ADAMTS12: variants seen among roughly 807,000 people sequenced by gnomAD.
The protein encoded by ADAMTS12 is A disintegrin and metalloproteinase with thrombospondin motifs 12.
Under a neutral mutation model 167.8 loss-of-function variants are expected in ADAMTS12, and 118 were observed. The observed-to-expected ratio is 0.70, with a 90% CI of 0.61 to 0.82. The LOEUF is 0.82. Ranked by LOEUF, ADAMTS12 falls within the 40% of genes least tolerant of loss-of-function variation. The pLI is 0.00. For synonymous variants in ADAMTS12, 704 were observed against 716.9 expected, an observed-to-expected ratio of 0.98 and a Z score of 0.29; for missense variants, 1,916 against 1,998.8, an observed-to-expected ratio of 0.96 and a Z score of 0.79.
chr5:33,723,268 T>C (rs1206685071), intron 3 of ADAMTS12, among the ~76,000 whole-genome samples: 1 of 152,232 alleles, frequency 6.6e-6, no homozygotes, highest in African/African-American at 2.4e-5. Flanking sequence ...TTGCTGCATA[T>C]AAACTACTCT....
chr5:33,612,455 A>G (rs751831436), intron 16 of ADAMTS12, among the ~76,000 whole-genome samples: 2 of 152,202 alleles, frequency 1.3e-5, no homozygotes, highest in Non-Finnish European at 2.9e-5. Flanking sequence ...GGTCCATTCT[A>G]TCTTGAAACA....
At chr5:33,689,627 A>C (rs973249759) in intron 3 of ADAMTS12, among the ~76,000 whole-genome samples, 1 of 152,142 alleles carries the variant, frequency 6.6e-6, no homozygotes, top group Admixed American at 6.5e-5. Context: ...TTCTGGACCC[A>C]GTGTTGAGGG....
chr5:33,752,855 G>T (rs967605925), intron 2 of ADAMTS12, among the ~76,000 whole-genome samples: 1 of 152,214 alleles, frequency 6.6e-6, no homozygotes, highest in African/African-American at 2.4e-5. Context: ...CTCCAACAAA[G>T]GGGGATGCTG....
chr5:33,590,661 T>C (rs948399133), intron 17 of ADAMTS12, among the ~76,000 whole-genome samples: 1 of 152,234 alleles, frequency 6.6e-6, no homozygotes, highest in African/African-American at 2.4e-5. Flanking sequence ...TTTATTTTTA[T>C]AGAGAAAGGG....
rs1440202622 is a variant in ADAMTS12, at chr5:33,624,345, C to T, written c.2029G>A (p.Gly677Ser). 6.2e-7 allele frequency: 1 copy of T among 1,613,986 alleles called. No individual in the cohort carries two copies. The highest frequency in any genetic ancestry group is 8.5e-7 in the Non-Finnish European group (1 of 1,179,908). ...TTGGAATCGATCTCATAGTCACAGC[C>T]AACCATCTGTGGGGAAGAGAGGTGG... ...VCINGICKMVGCDYEIDSNAT... is the reference protein window; with the variant it reads ...VCINGICKMVSCDYEIDSNAT... Residue 677 changes from glycine (G) to serine (S), a missense_variant, in exon 14 of 24, where the codon GGC becomes AGC. Transcript: ENST00000504830.
intron 19 of ADAMTS12, among the ~76,000 whole-genome samples, chr5:33,571,428 C>T (rs914261250): frequency 2.6e-5 from 4 of 152,132 alleles, no homozygotes; most frequent in Non-Finnish European, 5.9e-5. Context: ...AACTAGAACT[C>T]AGGATTAAGA....
In ADAMTS12 at chr5:33,751,466, G is replaced by T. The variant is rs768917930; in HGVS notation, c.572C>A (p.Pro191Gln). The T allele has an allele frequency of 1.9e-6, 3 of 1,613,960 alleles. No individual in the cohort carries two copies. The highest frequency in any genetic ancestry group is 1.7e-5 in the Admixed American group (1 of 60,000). ...TTTCTGCCTCCTGTAAACGATGTGC[G>T]GGTGGTACCCTCCCTCAACCAGTGG... ...KHPLVEGGYH[P>Q]HIVYRRQKVP... is the part of the protein sequence containing the mutation. The change falls in exon 3 of 24, where the codon CCG becomes CAG. Residue 191 changes from proline (P) to glutamine (Q), a missense_variant. By Grantham distance (76) the Pro-to-Gln change is moderately conservative. Transcript: ENST00000504830.
intron 22 of ADAMTS12, among the ~76,000 whole-genome samples, chr5:33,545,362 C>T (rs1437391137): frequency 2.0e-5 from 3 of 152,164 alleles, no homozygotes; most frequent in African/African-American, 7.2e-5. Flanking sequence ...CAAGAAACAA[C>T]AGATGCTGGA....
chr5:33,745,191 A>G (rs1311059526), intron 3 of ADAMTS12, among the ~76,000 whole-genome samples: 4 of 152,102 alleles, frequency 2.6e-5, no homozygotes, highest in Non-Finnish European at 4.4e-5. Context: ...TGAGGGGTGG[A>G]AAGCTCAGAG....
At chr5:33,801,610 A>C (rs537783313) in intron 2 of ADAMTS12, among the ~76,000 whole-genome samples, 5 of 152,302 alleles carry the variant, frequency 3.3e-5, no homozygotes, top group African/African-American at 1.2e-4. Context: ...TTTCAGAAAA[A>C]ACAAGAGCCT....
At chr5:33,532,552 A>G (rs1351933345) in intron 23 of ADAMTS12, among the ~76,000 whole-genome samples, 1 of 151,828 alleles carries the variant, frequency 6.6e-6, no homozygotes, top group Non-Finnish European at 1.5e-5. Flanking sequence ...CAACCCCAGG[A>G]ATGGTAGGCT....
rs541691024 is a variant in ADAMTS12, at chr5:33,883,202, G to A, written c.128-1722C>T. ...ATCTGCCAGAATCTTGCACATCACAGGTGCTCAGTTCTTATATGTTGATGT... is the reference window on the plus strand; with the variant it reads ...ATCTGCCAGAATCTTGCACATCACAAGTGCTCAGTTCTTATATGTTGATGT... On this transcript the variant is annotated intron_variant, in intron 1 of 23. Coordinates refer to ENST00000504830, the MANE Select transcript of ADAMTS12 (RefSeq NM_030955.4). Among the ~76,000 whole-genome samples the A allele has an allele frequency of 2.2e-4, 34 of 152,204 alleles. No homozygotes were observed. The South Asian group carries it at 4.6e-3, about 20-fold the overall frequency.
chr5:33,858,841 G>C (rs1023391441), intron 2 of ADAMTS12, among the ~76,000 whole-genome samples: 1 of 151,314 alleles, frequency 6.6e-6, no homozygotes, highest in African/African-American at 2.5e-5. Flanking sequence ...GTTAAACAGT[G>C]AGTGCAGCCC....
chr5:33,873,339 T>C (rs1750111035), intron 2 of ADAMTS12, among the ~76,000 whole-genome samples: 1 of 152,054 alleles, frequency 6.6e-6, no homozygotes, highest in Admixed American at 6.6e-5. Context: ...AAAAATTAAA[T>C]ACTTAGATAC....
At chr5:33,540,939 C>A (rs115291867) in intron 22 of ADAMTS12, among the ~76,000 whole-genome samples, 3 of 152,182 alleles carry the variant, frequency 2.0e-5, no homozygotes. Flanking sequence ...TTCAAAGGAT[C>A]GTAGCTCCTC....
At chr5:33,679,683 T>A (rs1288291815) in intron 5 of ADAMTS12, among the ~76,000 whole-genome samples, 1 of 152,214 alleles carries the variant, frequency 6.6e-6, no homozygotes, top group Non-Finnish European at 1.5e-5. Context: ...CAATCTCAAC[T>A]TGAAATGTGC....
Position 33,648,803 on chromosome 5 carries a change from C to T in ADAMTS12, c.1479+19G>A, listed in dbSNP as rs754317627. 7.4e-6 allele frequency: 12 copies of T among 1,613,710 alleles called. No individual in the cohort carries two copies. The highest frequency in any genetic ancestry group is 9.3e-6 in the Non-Finnish European group (11 of 1,179,850). On this transcript the variant is annotated intron_variant, in intron 9 of 23. Coordinates refer to ENST00000504830, the MANE Select transcript of ADAMTS12 (RefSeq NM_030955.4). ...GGAGATCTGAAGCCCTGCATATAGC[C>T]ACCAAGAGGTACACTTACTTCTACT... is the stretch of plus-strand genomic sequence containing the variant.
At chr5:33,585,659 A>G (rs1242239383) in intron 18 of ADAMTS12, among the ~76,000 whole-genome samples, 1 of 152,252 alleles carries the variant, frequency 6.6e-6, no homozygotes, top group Non-Finnish European at 1.5e-5. Flanking sequence ...TTTACAATAG[A>G]GTTCCCTTCT....
intron 22 of ADAMTS12, 49 bp downstream of exon 22, chr5:33,546,010 A>T (rs1194561131): frequency 1.9e-5 from 6 of 323,960 alleles, no homozygotes; most frequent in East Asian, 3.7e-4. Context: ...TAAAGTATTA[A>T]AAAAAAAAAA....
Sources: allele counts gnomAD v4.1 joint callset (sites outside exome capture counted in the v4.1 genomes callset), GRCh38; gene constraint gnomAD v4.1.1; transcripts MANE v1.5; gene names NCBI Gene and HGNC (gene_info 2026-07-23, HGNC 2026-07-21).